ZNF264: variants seen among roughly 807,000 people sequenced by gnomAD.
The protein encoded by ZNF264 is zinc finger protein 264.
Under a neutral mutation model 11.2 loss-of-function variants are expected in ZNF264, and 11 were observed. That is an observed-to-expected ratio of 0.98 (90% confidence interval 0.62 to 1.63). The LOEUF (loss-of-function observed/expected upper bound fraction) is 1.63, where lower values mean the gene tolerates loss of function less well. Among genes scored for constraint, ZNF264 ranks in the 40% most tolerant of loss-of-function variants. The pLI, the probability that ZNF264 is intolerant of heterozygous loss-of-function variation, is 0.00. For synonymous variants in ZNF264, 309 were observed against 279.8 expected (o/e 1.10, Z -1.04); for missense variants, 752 against 768.1 (o/e 0.98, Z 0.25).
At chr19:57,205,322 A>T (rs1415110085) in intron 2 of ZNF264, 75 bp from the exon 3 acceptor site, 7 of 1,409,524 alleles carry the variant, frequency 5.0e-6, no homozygotes, top group Non-Finnish European at 6.9e-6. Context: ...TCCATCCTGA[A>T]GTCCCAAACT....
At position 57,213,006 on chromosome 19, in the gene ZNF264, A is replaced by G; in HGVS notation, c.*25A>G. ...AGAAAACCTTCTGTTGCTGAATATT[A>G]CTTGTCATCTGAAGAGTCATATTAG... On this transcript the variant is annotated 3_prime_UTR_variant, in exon 4 of 4. Transcript: ENST00000263095. 1 of 1,582,134 alleles carries G rather than the reference A, an allele frequency of 6.3e-7. No homozygotes were observed. Among genetic ancestry groups the G allele is most frequent in the Non-Finnish European group, 8.6e-7 (1 of 1,163,262 alleles).
At chr19:57,193,764 T>C in intron 1 of ZNF264, 111 bp from the exon 2 acceptor site, 7 of 1,452,624 alleles carry the variant, frequency 4.8e-6, no homozygotes, top group Non-Finnish European at 6.6e-6. Flanking sequence ...CCTCAGGAGG[T>C]GCTCTGTGAT....
Position 57,212,950 on chromosome 19 carries a change from A to G in ZNF264, c.1853A>G (p.Gln618Arg), listed in dbSNP as rs1442182178. ...TCCTCTGCATCTGATCAACCATACC[A>G]AAGAGAAACCCCACAAGTGTCTTCA... The part of the protein sequence containing the change: ...TSSSASDQPY[Q>R]RETPQVSSL Residue 618 changes from glutamine (Q) to arginine (R), a missense_variant, in exon 4 of 4, where the codon CAA becomes CGA. Physicochemically the swap from Gln to Arg is conservative, Grantham distance 43. Coordinates refer to ENST00000263095, the MANE Select transcript of ZNF264 (RefSeq NM_003417.5). 2.5e-6 allele frequency: 4 copies of G among 1,611,852 alleles called. No individual in the cohort carries two copies. The highest frequency in any genetic ancestry group is 3.4e-6 in the Non-Finnish European group (4 of 1,178,324).
At chr19:57,196,216 C>G (rs1448849660) in intron 2 of ZNF264, among the ~76,000 whole-genome samples, 1 of 151,928 alleles carries the variant, frequency 6.6e-6, no homozygotes, top group African/African-American at 2.4e-5. Context: ...ACTTCTTTAG[C>G]CATAAAGTGA....
In ZNF264 at chr19:57,211,477, A is replaced by G. The variant is rs763813441; in HGVS notation, c.380A>G (p.Glu127Gly). The stretch of plus-strand genomic sequence containing the variant: ...GTGGACTCACAGTTGGGGCAAGCCG[A>G]GGATCAGGATGGGCTATCAGAAATG... ...NSVDSQLGQA[E>G]DQDGLSEMQE... The change falls in exon 4 of 4, where the codon GAG becomes GGG. Residue 127 changes from glutamate (E) to glycine (G), a missense_variant. Glu to Gly is a moderately conservative substitution (Grantham distance 98). Transcript: ENST00000263095. 3.7e-6 allele frequency: 6 copies of G among 1,614,130 alleles called. No homozygotes were observed. In the Admixed American group the frequency reaches 1.0e-4, roughly 27 times the overall value.
Position 57,213,105 on chromosome 19 carries a change from A to T in ZNF264, c.*124A>T. The T allele has an allele frequency of 1.1e-6, 1 of 893,178 alleles. No individual in the cohort carries two copies. The highest frequency in any genetic ancestry group is 2.6e-5 in the East Asian group (1 of 38,152). 55.3% of individuals were successfully genotyped at this position (893,178 alleles called of 1,614,324 possible). A position where few individuals can be genotyped will look rare whatever the true frequency, so the allele number is the denominator to read the frequency against. ...GAGAGAGACCCAGTGGTTATTGTGC[A>T]CATAGGAGAACCTTCAGCTGCATCT... On this transcript the variant is annotated 3_prime_UTR_variant, in exon 4 of 4. Transcript: ENST00000263095.
intron 3 of ZNF264, among the ~76,000 whole-genome samples, chr19:57,206,057 G>A (rs1246217357): frequency 2.0e-5 from 3 of 152,196 alleles, no homozygotes; most frequent in East Asian, 1.9e-4. Flanking sequence ...AGGGAATAAG[G>A]GAAGTTAAAC....
chr19:57,212,615 T>G lies in ZNF264; in HGVS notation c.1518T>G (p.Ser506Arg). The change falls in exon 4 of 4, where the codon AGT becomes AGG. Residue 506 changes from serine (S) to arginine (R), a missense_variant. Transcript: ENST00000263095. Reference sequence around the variant, plus strand: ...TCACGAGGCACAAGCGGATTCATAGTGGAGAGAAGCCCTATGAATGTGTTG... The same window carrying G: ...TCACGAGGCACAAGCGGATTCATAGGGGAGAGAAGCCCTATGAATGTGTTG... The part of the protein sequence containing the change: ...SGLTRHKRIH[S>R]GEKPYECVEC... 1 of 1,614,102 alleles carries G rather than the reference T, an allele frequency of 6.2e-7. No homozygotes were observed. Among genetic ancestry groups the G allele is most frequent in the Non-Finnish European group, 8.5e-7 (1 of 1,180,002 alleles).
rs2087399992 is a variant in ZNF264 at position 57,219,141 on chromosome 19, G to GTTT, written c.*6160_*6161insTTT. On this transcript the variant is annotated 3_prime_UTR_variant, in exon 4 of 4. Transcript: ENST00000263095. ...CCACTGCACTCCAGCCTGGGCAACA[G>GTTT]AGCGAGACTCCATCTCAAAAAAAAA... 6.6e-6 allele frequency: 1 copy of GTTT among 152,078 alleles called. No homozygotes were observed. Among genetic ancestry groups the GTTT allele is most frequent in the Admixed American group, 6.6e-5 (1 of 15,208 alleles). 9.4% of individuals were successfully genotyped at this position (152,078 alleles called of 1,614,324 possible).
intron 1 of ZNF264, 34 bp downstream of exon 1, chr19:57,191,980 C>T: frequency 1.3e-6 from 2 of 1,512,362 alleles, no homozygotes; most frequent in Non-Finnish European, 1.8e-6. Flanking sequence ...TTGCCGCTTC[C>T]TTGCCAGCGC....
intron 1 of ZNF264, chr19:57,192,506 C>G (rs1314541518): frequency 6.1e-6 from 6 of 985,242 alleles, no homozygotes; most frequent in Non-Finnish European, 7.2e-6. Context: ...TTCCGTGGCC[C>G]CAAAGTATCC....
chr19:57,209,197 T>C (rs745715307), intron 3 of ZNF264, among the ~76,000 whole-genome samples: 4 of 152,170 alleles, frequency 2.6e-5, no homozygotes, highest in Non-Finnish European at 5.9e-5. Flanking sequence ...TTTTCTTATA[T>C]AATTAATGAT....
intron 1 of ZNF264, chr19:57,192,539 C>T: frequency 3.0e-6 from 3 of 985,296 alleles, no homozygotes; most frequent in Non-Finnish European, 3.6e-6. Context: ...CAAGTTCTGT[C>T]GGAACCCAGT....
At chr19:57,210,601 G>T (rs1472031861) in intron 3 of ZNF264, among the ~76,000 whole-genome samples, 1 of 152,148 alleles carries the variant, frequency 6.6e-6, no homozygotes, top group Non-Finnish European at 1.5e-5. Context: ...GCTCTTCATT[G>T]TCCAGAATTG....
intron 2 of ZNF264, among the ~76,000 whole-genome samples, chr19:57,196,660 C>T (rs1431422950): frequency 6.6e-6 from 1 of 151,892 alleles, no homozygotes; most frequent in Non-Finnish European, 1.5e-5. Context: ...GTGGTGTCCA[C>T]AGAACAGGTC....
chr19:57,197,174 C>T (rs2087218022), intron 2 of ZNF264, among the ~76,000 whole-genome samples: 1 of 151,856 alleles, frequency 6.6e-6, no homozygotes, highest in African/African-American at 2.4e-5. Context: ...GGAGTGGAGT[C>T]TGTGGGCATT....
At position 57,218,898 on chromosome 19, in the gene ZNF264, T is replaced by A. The variant is rs1014820080; in HGVS notation, c.*5917T>A. The stretch of plus-strand genomic sequence containing the variant: ...ACTCTCAGAGAATAGACAACTATAT[T>A]CCAAAGTCATGGTTCTCTGGTGGTT... On this transcript the variant is annotated 3_prime_UTR_variant, in exon 4 of 4. Transcript: ENST00000263095. 2.6e-5 allele frequency: 4 copies of A among 152,186 alleles called. No individual in the cohort carries two copies. Among genetic ancestry groups the A allele is most frequent in the Admixed American group, 2.6e-4 (4 of 15,276 alleles). The allele number at this position is 152,186 out of a possible 1,614,324, so 9.4% of individuals were successfully genotyped here. A position where few individuals can be genotyped will look rare whatever the true frequency, so the allele number is the denominator to read the frequency against.
intron 2 of ZNF264, among the ~76,000 whole-genome samples, chr19:57,200,154 A>G (rs1249311158): frequency 2.0e-5 from 3 of 151,842 alleles, no homozygotes; most frequent in Admixed American, 6.5e-5. Context: ...GACATAAGCT[A>G]GTCATGTGAG....
At chr19:57,203,971 G>A (rs2087272049) in intron 2 of ZNF264, among the ~76,000 whole-genome samples, 1 of 152,142 alleles carries the variant, frequency 6.6e-6, no homozygotes, top group Admixed American at 6.5e-5. Context: ...CAGATCATGA[G>A]GTCAGGAGAT....
Sources: allele counts gnomAD v4.1 joint callset (sites outside exome capture counted in the v4.1 genomes callset), GRCh38; gene constraint gnomAD v4.1.1; transcripts MANE v1.5; gene names NCBI Gene and HGNC (gene_info 2026-07-23, HGNC 2026-07-21).